The following CACNA1E variants were observed in gnomAD, a reference collection of about 807,000 sequenced individuals.
CACNA1E encodes voltage-dependent R-type calcium channel subunit alpha-1E.
In CACNA1E, 40 loss-of-function variants were observed where a neutral mutation model predicts 259.2. The observed-to-expected ratio is 0.15, with a 90% confidence interval of 0.12 to 0.20. The LOEUF (loss-of-function observed/expected upper bound fraction) is 0.20. Ranked by LOEUF, CACNA1E falls within the 10% of genes least tolerant of loss-of-function variation. The pLI is 1.00. For synonymous variants in CACNA1E, 1,104 were observed against 1,138.5 expected (o/e 0.97, Z 0.61); for missense variants, 1,874 against 3,040.1 (o/e 0.62, Z 9.02).
intron 26 of CACNA1E, chr1:181,751,889 G>A (rs776839073): frequency 1.6e-6 from 1 of 625,950 alleles, no homozygotes. Context: ...TCCTCTGTGT[G>A]TGTATATATG....
At chr1:181,592,240 G>A (rs1266905474) in intron 6 of CACNA1E, among the ~76,000 whole-genome samples, 1 of 152,124 alleles carries the variant, frequency 6.6e-6, no homozygotes, top group Non-Finnish European at 1.5e-5. Flanking sequence ...CTTATTAAAT[G>A]TTCTGTCTCC....
At chr1:181,671,124 C>T (rs1648752734) in intron 7 of CACNA1E, among the ~76,000 whole-genome samples, 1 of 152,202 alleles carries the variant, frequency 6.6e-6, no homozygotes, top group Admixed American at 6.5e-5. Context: ...GCCTCGACCT[C>T]CCAGGTTTAA....
chr1:181,321,400 G>A lies in CACNA1E; in HGVS notation c.-15+3277G>A, dbSNP rs191783138. Among the ~76,000 whole-genome samples, 214 of 152,264 alleles carry A rather than the reference G, an allele frequency of 1.4e-3. 1 individual carries two copies. Among genetic ancestry groups the A allele is most frequent in the African/African-American group, 4.7e-3 (195 of 41,562 alleles). On this transcript the variant is annotated intron_variant, in intron 1 of 11. Coordinates refer to the CACNA1E transcript ENST00000524607. ...GAATTGTCTAATGGAAAGGCAGAGC[G>A]CATGTCACCATCTGATTTTCAGGGT... is the stretch of plus-strand genomic sequence containing the variant.
At chr1:181,462,609 T>C (rs1313590730) in intron 2 of CACNA1E, among the ~76,000 whole-genome samples, 2 of 152,366 alleles carry the variant, frequency 1.3e-5, no homozygotes, top group South Asian at 2.1e-4. Context: ...GCATTTTGTA[T>C]GCTCATTCTT....
At chr1:181,779,275 A>G (rs1055565031) in intron 38 of CACNA1E, among the ~76,000 whole-genome samples, 2 of 152,146 alleles carry the variant, frequency 1.3e-5, no homozygotes, top group Admixed American at 6.5e-5. Context: ...TGGCAAGGTA[A>G]TGGTTCTCTG....
At chr1:181,561,003 A>G (rs1003988334) in intron 3 of CACNA1E, among the ~76,000 whole-genome samples, 3 of 152,232 alleles carry the variant, frequency 2.0e-5, no homozygotes, top group African/African-American at 7.2e-5. Flanking sequence ...GACAAATACT[A>G]TGTGATTCCA....
At position 181,599,740 on chromosome 1, in the gene CACNA1E, T is replaced by C. The variant is rs1372669370; in HGVS notation, c.951+18964T>C. Among the ~76,000 whole-genome samples, 6 of 152,336 alleles carry C rather than the reference T, an allele frequency of 3.9e-5. No individual in the cohort carries two copies. The East Asian group carries it at 1.2e-3, about 29-fold the overall frequency. On this transcript the variant is annotated intron_variant, in intron 6 of 47. Transcript: ENST00000367573. Reference sequence around the variant, plus strand: ...ATGGATGGAGTAATAAATTAGTGAATGATATAGGATCAAGCTATCAGCAGG... The same window carrying C: ...ATGGATGGAGTAATAAATTAGTGAACGATATAGGATCAAGCTATCAGCAGG...
chr1:181,540,007 C>T (rs1668460811), intron 3 of CACNA1E, among the ~76,000 whole-genome samples: 1 of 152,196 alleles, frequency 6.6e-6, no homozygotes, highest in Non-Finnish European at 1.5e-5. Context: ...TGGTCTCTCT[C>T]CTCCTTATCA....
At chr1:181,516,866 G>A (rs1182359167) in intron 3 of CACNA1E, among the ~76,000 whole-genome samples, 2 of 152,226 alleles carry the variant, frequency 1.3e-5, no homozygotes, top group East Asian at 1.9e-4. Flanking sequence ...GCCTTGCGTG[G>A]GAGGTGACCT....
intron 1 of CACNA1E, among the ~76,000 whole-genome samples, chr1:181,362,622 T>C (rs1405718572): frequency 6.6e-6 from 1 of 152,204 alleles, no homozygotes; most frequent in African/African-American, 2.4e-5. Flanking sequence ...CTGTAAGGGA[T>C]TATTCTCCTG....
At chr1:181,481,397 A>G (rs1380345715), upstream of CACNA1E, among the ~76,000 whole-genome samples, 1 of 151,884 alleles carries the variant, frequency 6.6e-6, no homozygotes, top group Non-Finnish European at 1.5e-5. Context: ...CACACAACAG[A>G]CACATGTCAG....
intron 3 of CACNA1E, among the ~76,000 whole-genome samples, chr1:181,515,241 C>T (rs1666486079): frequency 1.3e-5 from 2 of 152,136 alleles, no homozygotes; most frequent in Non-Finnish European, 1.5e-5. Flanking sequence ...TTGAAGGGGA[C>T]AGGGGCCCAA....
chr1:181,457,751 T>C (rs1022626164), intron 2 of CACNA1E, among the ~76,000 whole-genome samples: 5 of 152,196 alleles, frequency 3.3e-5, no homozygotes, highest in Non-Finnish European at 5.9e-5. Context: ...AACATATAGA[T>C]GAAGTTGAAC....
chr1:181,473,269 C>T (rs1032305797), intron 2 of CACNA1E, among the ~76,000 whole-genome samples: 1 of 152,156 alleles, frequency 6.6e-6, no homozygotes, highest in Admixed American at 6.5e-5. Context: ...TACCAGGGAG[C>T]TCAGGGTTGG....
intron 46 of CACNA1E, among the ~76,000 whole-genome samples, chr1:181,795,466 A>G (rs1661706101): frequency 6.7e-6 from 1 of 150,360 alleles, no homozygotes; most frequent in Non-Finnish European, 1.5e-5. Flanking sequence ...TTTGAGACAG[A>G]GTTTCACTCT....
intron 7 of CACNA1E, among the ~76,000 whole-genome samples, chr1:181,699,934 G>A (rs1652068350): frequency 6.6e-6 from 1 of 152,178 alleles, no homozygotes; most frequent in Admixed American, 6.5e-5. Context: ...TGACATCCAA[G>A]TAGCTGATGT....
At chr1:181,458,824 C>T (rs563370222) in intron 2 of CACNA1E, among the ~76,000 whole-genome samples, 3 of 150,490 alleles carry the variant, frequency 2.0e-5, no homozygotes, top group East Asian at 2.0e-4. Flanking sequence ...CATTTATTTA[C>T]CCATCCATCC....
chr1:181,391,939 C>CTGTG (rs1227455808), intron 1 of CACNA1E, among the ~76,000 whole-genome samples: 6 of 110,958 alleles, frequency 5.4e-5, no homozygotes, highest in African/African-American at 1.2e-4. Context: ...CTCTCTCTCT[C>CTGTG]TCTCTCTGTG....
intron 3 of CACNA1E, among the ~76,000 whole-genome samples, chr1:181,542,553 G>A (rs550737042): frequency 2.0e-5 from 3 of 152,132 alleles, no homozygotes; most frequent in Non-Finnish European, 2.9e-5. Context: ...GAGTTCTCAC[G>A]AGATCTGATG....
Sources: allele counts gnomAD v4.1 joint callset (sites outside exome capture counted in the v4.1 genomes callset), GRCh38; gene constraint gnomAD v4.1.1; transcripts MANE v1.5; gene names NCBI Gene and HGNC (gene_info 2026-07-23, HGNC 2026-07-21).